The following AGR2 variants were observed in gnomAD, a reference collection of about 807,000 sequenced individuals.
AGR2 encodes anterior gradient protein 2 homolog.
A neutral mutation model predicts 25.9 loss-of-function variants in AGR2; 27 were observed. The observed-to-expected ratio is 1.04, with a 90% CI of 0.77 to 1.44. The LOEUF (loss-of-function observed/expected upper bound fraction) is 1.44, where lower values mean the gene tolerates loss of function less well. Among genes scored for constraint, AGR2 ranks in the 40% most tolerant of loss-of-function variants. The pLI is 0.00. For synonymous variants in AGR2, 78 were observed against 72.0 expected (o/e 1.08, Z -0.42); for missense variants, 182 against 200.9 (o/e 0.91, Z 0.57).
At chr7:16,793,667 C>G (rs1437922108) in intron 7 of AGR2, among the ~76,000 whole-genome samples, 1 of 152,068 alleles carries the variant, frequency 6.6e-6, no homozygotes, top group East Asian at 1.9e-4. Flanking sequence ...TTCTTTAATC[C>G]TCATACAAAC....
At chr7:16,797,609 T>A in intron 6 of AGR2, 22 bp downstream of exon 6, 1 of 1,611,592 alleles carries the variant, frequency 6.2e-7, no homozygotes, top group Non-Finnish European at 8.5e-7. Context: ...TTCCGAGTTA[T>A]CTCACTGTCA....
At chr7:16,796,698 G>A (rs1390415953) in intron 6 of AGR2, among the ~76,000 whole-genome samples, 1 of 152,294 alleles carries the variant, frequency 6.6e-6, no homozygotes, top group African/African-American at 2.4e-5. Context: ...AGTCCAATGT[G>A]GGAAATATTT....
At chr7:16,798,471 G>A (rs76933462) in intron 5 of AGR2, among the ~76,000 whole-genome samples, 2,672 of 152,224 alleles carry the variant, frequency 0.018, 35 homozygotes, top group Middle Eastern at 0.051. Flanking sequence ...TTCAGGGGCC[G>A]GCTTAGGAAT....
intron 1 of AGR2, among the ~76,000 whole-genome samples, chr7:16,802,274 T>C (rs1470978826): frequency 1.3e-5 from 2 of 152,348 alleles, no homozygotes; most frequent in Non-Finnish European, 2.9e-5. Flanking sequence ...TTATCATAGA[T>C]ATGTATGCAT....
intron 6 of AGR2, 28 bp downstream of exon 6, chr7:16,797,603 G>A (rs1258431941): frequency 3.7e-6 from 6 of 1,607,970 alleles, no homozygotes; most frequent in South Asian, 1.1e-5. Flanking sequence ...ATGTGTTTCC[G>A]AGTTATCTCA....
intron 6 of AGR2, 35 bp downstream of exon 6, chr7:16,797,596 T>G (rs1322232946): frequency 1.3e-6 from 2 of 1,596,622 alleles, no homozygotes; most frequent in East Asian, 4.5e-5. Flanking sequence ...CACTAGTATG[T>G]GTTTCCGAGT....
At chr7:16,794,863 C>T in intron 7 of AGR2, 73 bp downstream of exon 7, 1 of 1,605,828 alleles carries the variant, frequency 6.2e-7, no homozygotes, top group Non-Finnish European at 8.5e-7. Context: ...CACCATGCAG[C>T]CTCTAGTCCC....
At chr7:16,803,905 T>C (rs1208292718) in intron 1 of AGR2, among the ~76,000 whole-genome samples, 1 of 151,214 alleles carries the variant, frequency 6.6e-6, no homozygotes, top group African/African-American at 2.5e-5. Flanking sequence ...ATTTTATCTT[T>C]TATTTATAAC....
At chr7:16,800,049 C>T (rs1010728521) in intron 4 of AGR2, among the ~76,000 whole-genome samples, 4 of 152,130 alleles carry the variant, frequency 2.6e-5, no homozygotes, top group Admixed American at 2.6e-4. Flanking sequence ...TTCTCCAGCT[C>T]ATATTTATTG....
In AGR2 at chr7:16,801,722, G is replaced by C. The variant is rs142975221; in HGVS notation, c.75C>G (p.Val25=). Residue 25 remains valine (V), a synonymous_variant, in exon 2 of 8, where the codon GTC becomes GTG. Coordinates refer to ENST00000419304, the MANE Select transcript of AGR2 (RefSeq NM_006408.4). The stretch of plus-strand genomic sequence containing the variant: ...TTGTGTCCTTTTTGGCTCCAGGTTT[G>C]ACTGTGGTATCTCTGGCCAGAGTGT... ...LSYTLARDTT[V]KPGAKKDTKD... 14 of 1,613,662 alleles carry C rather than the reference G, an allele frequency of 8.7e-6. No individual in the cohort carries two copies. In the African/African-American group the frequency reaches 1.6e-4, roughly 19 times the overall value.
At chr7:16,797,217 C>T (rs1284800297) in intron 6 of AGR2, among the ~76,000 whole-genome samples, 2 of 152,088 alleles carry the variant, frequency 1.3e-5, no homozygotes. Context: ...CGTGAGCCAC[C>T]CAGCCTTATT....
At chr7:16,804,879 G>A (rs1436273482) in intron 1 of AGR2, 56 bp downstream of exon 1, 1 of 152,246 alleles carries the variant, frequency 6.6e-6, no homozygotes, top group Non-Finnish European at 1.5e-5. Flanking sequence ...ATAGCAATCA[G>A]AGGCCCGAAT....
At chr7:16,794,796 GGCTA>G in intron 7 of AGR2, 136 bp downstream of exon 7, 1 of 1,528,120 alleles carries the variant, frequency 6.5e-7, no homozygotes. Flanking sequence ...GAAGATGCAA[GGCTA>G]GTTAGGGTCA....
At position 16,794,588 on chromosome 7, in the gene AGR2, G is replaced by C. The variant is rs1235004925; in HGVS notation, c.478+348C>G. 3 of 448,624 alleles carry C rather than the reference G, an allele frequency of 6.7e-6. No homozygotes were observed. In the Admixed American group the frequency reaches 1.2e-4, roughly 18 times the overall value. The allele number at this position is 448,624 out of a possible 1,614,324, so 27.8% of individuals were successfully genotyped here. On this transcript the variant is annotated intron_variant, in intron 7 of 7. Coordinates refer to ENST00000419304, the MANE Select transcript of AGR2 (RefSeq NM_006408.4). Reference sequence around the variant, plus strand: ...TCACTTTTGTTATTTAAAAAATTAAGACATGCAGATTATTACAATTATTAC... The same window carrying C: ...TCACTTTTGTTATTTAAAAAATTAACACATGCAGATTATTACAATTATTAC...
intron 6 of AGR2, among the ~76,000 whole-genome samples, chr7:16,796,694 A>G (rs1427783430): frequency 2.0e-5 from 3 of 152,218 alleles, no homozygotes; most frequent in East Asian, 1.9e-4. Flanking sequence ...TTATAGTCCA[A>G]TGTGGGAAAT....
chr7:16,796,218 C>T (rs2115353580), intron 6 of AGR2, among the ~76,000 whole-genome samples: 1 of 152,272 alleles, frequency 6.6e-6, no homozygotes, highest in East Asian at 1.9e-4. Flanking sequence ...GAGCAAGCTG[C>T]CTTGGAGCTG....
intron 2 of AGR2, 72 bp from the exon 3 acceptor site, chr7:16,801,455 A>G: frequency 7.0e-7 from 1 of 1,434,958 alleles, no homozygotes; most frequent in African/African-American, 1.4e-5. Context: ...AAGCAATGGT[A>G]AAGACTGGGA....
chr7:16,801,007 G>A (rs1785131908), intron 4 of AGR2, 144 bp downstream of exon 4: 3 of 598,438 alleles, frequency 5.0e-6, no homozygotes, highest in Non-Finnish European at 8.4e-6. Context: ...GATATTTGAA[G>A]TCACTTTTAA....
At chr7:16,793,309 A>G (rs1377079928) in intron 7 of AGR2, among the ~76,000 whole-genome samples, 1 of 152,232 alleles carries the variant, frequency 6.6e-6, no homozygotes, top group Non-Finnish European at 1.5e-5. Context: ...TCGGCCTCCC[A>G]AAGTGCTGGG....
Sources: gnomAD v4.1 joint callset for allele counts (sites outside exome capture counted in the v4.1 genomes callset) on GRCh38, gnomAD v4.1.1 for gene constraint, MANE v1.5 for transcripts, NCBI Gene and HGNC (gene_info 2026-07-23, HGNC 2026-07-21) for gene names.